Variants in PIEZO1 observed in about 807,000 individuals in gnomAD.
PIEZO1 encodes the protein piezo type mechanosensitive ion channel component 1 (Er blood group), also known as piezo-type mechanosensitive ion channel component 1.
A neutral mutation model predicts 297.2 loss-of-function variants in PIEZO1; 296 were observed. That is an observed-to-expected ratio of 1.00 (90% confidence interval 0.91 to 1.10). The LOEUF is 1.10. PIEZO1 is among the 50% of genes least tolerant of loss of function. The probability of loss-of-function intolerance (pLI) is 0.00; values close to 1 mark genes in which losing one functional copy is unlikely to be tolerated. For missense variants in PIEZO1, 5,018 were observed against 3,455.5 expected (o/e 1.45, Z -11.34); for synonymous variants, 2,427 against 1,507.5 (o/e 1.61, Z -14.13).
chr16:88,727,408 G>A (rs371964834), intron 23 of PIEZO1, 149 bp downstream of exon 23: 161 of 646,988 alleles, frequency 2.5e-4, no homozygotes, highest in African/African-American at 2.4e-3. Context: ...GTCTGCGTGC[G>A]TGCGTGCGAG....
Position 88,715,773 on chromosome 16 carries a change from A to G in PIEZO1, c.7398T>C (p.Ile2466=). ...RGFFSEISHS[I]MFEELPCVDR... ...CCACGCACGGCAGCTCCTCGAACAT[A>G]ATGGAGTGCGAGATCTCGCTGAAGA... Residue 2466 remains isoleucine, a synonymous_variant, in exon 51 of 51, where the codon ATT becomes ATC. Coordinates refer to ENST00000301015, the MANE Select transcript of PIEZO1 (RefSeq NM_001142864.4). 6.5e-7 allele frequency: 1 copy of G among 1,550,262 alleles called. No individual in the cohort carries two copies. The highest frequency in any genetic ancestry group is 8.7e-7 in the Non-Finnish European group (1 of 1,146,934).
Position 88,721,536 on chromosome 16 carries a change from A to G in PIEZO1, c.5403+2T>C. 2 of 1,547,762 alleles carry G rather than the reference A, an allele frequency of 1.3e-6. No homozygotes were observed. The highest frequency in any genetic ancestry group is 8.7e-7 in the Non-Finnish European group (1 of 1,145,300). On this transcript the variant is annotated splice_donor_variant, in intron 38 of 50. Coordinates refer to ENST00000301015, the MANE Select transcript of PIEZO1 (RefSeq NM_001142864.4). LOFTEE classifies it high-confidence loss of function. ...GCATTGCCAGCCAAGGCTCACACTC[A>G]CCAGCAGCTGGGAGCGGTGGAAGAA...
intron 1 of PIEZO1, among the ~76,000 whole-genome samples, chr16:88,750,237 G>A (rs2142864821): frequency 6.6e-6 from 1 of 152,120 alleles, no homozygotes; most frequent in South Asian, 2.1e-4. Context: ...TCAGGAGGCT[G>A]AGGCAGGAGA....
intron 1 of PIEZO1, among the ~76,000 whole-genome samples, chr16:88,750,047 A>G (rs1390414811): frequency 6.7e-6 from 1 of 148,778 alleles, no homozygotes; most frequent in Non-Finnish European, 1.5e-5. Flanking sequence ...AGAAAATGCT[A>G]TTCTTGGCTG....
At chr16:88,764,198 G>GCT (rs1488237697) in intron 1 of PIEZO1, among the ~76,000 whole-genome samples, 42 of 151,144 alleles carry the variant, frequency 2.8e-4, no homozygotes, top group Admixed American at 9.2e-4. Flanking sequence ...GGTACGAAAG[G>GCT]GGATGTGCCT....
chr16:88,734,415 C>A lies in PIEZO1; in HGVS notation c.2121G>T (p.Gln707His). The A allele has an allele frequency of 6.5e-7, 1 of 1,549,726 alleles. No homozygotes were observed. The highest frequency in any genetic ancestry group is 8.7e-7 in the Non-Finnish European group (1 of 1,146,584). Reference protein sequence around the residue: ...QLHYFHRPFMQLTDMEHVSLP... With the variant: ...QLHYFHRPFMHLTDMEHVSLP... ...GGGACACGTGCTCCATGTCGGTGAGCTGCATGAAGGGCCTGTGGAAGTAGT... is the reference window on the plus strand; with the variant it reads ...GGGACACGTGCTCCATGTCGGTGAGATGCATGAAGGGCCTGTGGAAGTAGT... Residue 707 changes from glutamine (Q) to histidine (H), a missense_variant, in exon 16 of 51, where the codon CAG becomes CAT. Coordinates refer to ENST00000301015, the MANE Select transcript of PIEZO1 (RefSeq NM_001142864.4).
intron 1 of PIEZO1, among the ~76,000 whole-genome samples, chr16:88,755,688 G>A (rs1322064438): frequency 1.1e-4 from 17 of 152,138 alleles, no homozygotes; most frequent in South Asian, 2.1e-4. Context: ...CCTTTTCACC[G>A]AACGGTGGCG....
chr16:88,767,131 T>C (rs1907215243), intron 1 of PIEZO1, among the ~76,000 whole-genome samples: 1 of 152,212 alleles, frequency 6.6e-6, no homozygotes, highest in Non-Finnish European at 1.5e-5. Context: ...CTTCCCGGAT[T>C]GAGCTGCAGT....
rs1459869180 is a variant in PIEZO1, at chr16:88,728,239, G to C, written c.3197-578C>G. 2.6e-5 allele frequency among the ~76,000 whole-genome samples: 4 copies of C among 152,378 alleles called. 1 individual carries two copies. The highest frequency in any genetic ancestry group is 6.5e-5 in the Admixed American group (1 of 15,314). ...GCCGGGGCCTGCTGGGGAGGGAGCC[G>C]TGGCACTGCCGGCCCCCGGCCACAC... On this transcript the variant is annotated intron_variant, in intron 22 of 50. Transcript: ENST00000301015.
At chr16:88,746,383 G>A (rs1393643907) in intron 2 of PIEZO1, among the ~76,000 whole-genome samples, 1 of 152,148 alleles carries the variant, frequency 6.6e-6, no homozygotes, top group Non-Finnish European at 1.5e-5. Flanking sequence ...TAAATGACAA[G>A]CAGGTCTCTG....
intron 1 of PIEZO1, among the ~76,000 whole-genome samples, chr16:88,764,083 G>A (rs945203228): frequency 6.6e-6 from 1 of 152,104 alleles, no homozygotes; most frequent in Non-Finnish European, 1.5e-5. Flanking sequence ...AGGCTTCCCC[G>A]GGGGGCACCA....
chr16:88,749,825 C>T (rs1906292462), intron 1 of PIEZO1, among the ~76,000 whole-genome samples: 1 of 152,148 alleles, frequency 6.6e-6, no homozygotes, highest in Admixed American at 6.5e-5. Flanking sequence ...GTCAGGAGTT[C>T]AAGACCAGCC....
rs186546228 is a variant in PIEZO1, at chr16:88,722,413, G to A, written c.4776-16C>T. 7.1e-5 allele frequency: 105 copies of A among 1,483,908 alleles called. No individual in the cohort carries two copies. Among genetic ancestry groups the A allele is most frequent in the East Asian group, 9.9e-5 (4 of 40,282 alleles). 91.9% of individuals were successfully genotyped at this position (1,483,908 alleles called of 1,614,324 possible). ...GCCCAGCCCACTGGGGAGGGAAGCC[G>A]AGTCACAGAGAATCCTGCTCTATGG... On this transcript the variant is annotated splice_polypyrimidine_tract_variant and intron_variant, in intron 35 of 50. Transcript: ENST00000301015.
intron 1 of PIEZO1, among the ~76,000 whole-genome samples, chr16:88,779,772 T>G (rs1471445702): frequency 6.6e-6 from 1 of 152,148 alleles, no homozygotes; most frequent in East Asian, 1.9e-4. Context: ...GACCAGGCGG[T>G]GAGTGGCCCC....
rs1312988081 is a variant in PIEZO1, at chr16:88,720,530, G to A, written c.5804C>T (p.Ala1935Val). 1 of 1,549,808 alleles carries A rather than the reference G, an allele frequency of 6.5e-7. No homozygotes were observed. Among genetic ancestry groups the A allele is most frequent in the East Asian group, 2.4e-5 (1 of 40,920 alleles). ...RRLQGFCLSLAQGTYRPLRRF... is the reference protein window; with the variant it reads ...RRLQGFCLSLVQGTYRPLRRF... Reference sequence around the variant, plus strand: ...CCGTAGCGGCCGATATGTGCCCTGGGCCCTGCGGAAGGGGGCGCTCAGCCT... The same window carrying A: ...CCGTAGCGGCCGATATGTGCCCTGGACCCTGCGGAAGGGGGCGCTCAGCCT... The change falls in exon 41 of 51, where the codon GCC (alanine) becomes GTC (valine). Residue 1935 changes from alanine to valine, a missense_variant and splice_region_variant. Physicochemically the swap from Ala to Val is moderately conservative, Grantham distance 64. Coordinates refer to ENST00000301015, the MANE Select transcript of PIEZO1 (RefSeq NM_001142864.4).
rs755976907 is a variant in PIEZO1, at chr16:88,721,659, C to A, written c.5282G>T (p.Arg1761Leu). Reference protein sequence around the residue: ...FFPWNSHVVLRRYENKPYFPP... With the variant: ...FFPWNSHVVLLRYENKPYFPP... ...GAAGTAGGGCTTGTTCTCGTAGCGC[C>A]GCAGCACCACGTGGCTGTTCCAGGG... The change falls in exon 38 of 51, where the codon CGG (arginine) becomes CTG (leucine). Residue 1761 changes from arginine to leucine, a missense_variant. Arg to Leu is a moderately radical substitution (Grantham distance 102). Coordinates refer to ENST00000301015, the MANE Select transcript of PIEZO1 (RefSeq NM_001142864.4). 4 of 1,550,052 alleles carry A rather than the reference C, an allele frequency of 2.6e-6. No homozygotes were observed. Among genetic ancestry groups the A allele is most frequent in the Admixed American group, 2.0e-5 (1 of 51,004 alleles).
chr16:88,718,569 T>C (rs1461781193), intron 44 of PIEZO1: 2 of 152,268 alleles, frequency 1.3e-5, no homozygotes, highest in Non-Finnish European at 2.9e-5. Flanking sequence ...GAAAGCTGAT[T>C]ACAAAAGGAC....
chr16:88,784,176 T>G (rs1908064474), intron 1 of PIEZO1, among the ~76,000 whole-genome samples: 3 of 152,216 alleles, frequency 2.0e-5, no homozygotes, highest in Admixed American at 2.0e-4. Context: ...ATGCCAGGAC[T>G]GGGGACCCCT....
chr16:88,753,578 T>C (rs1192688672), intron 1 of PIEZO1, among the ~76,000 whole-genome samples: 1 of 152,020 alleles, frequency 6.6e-6, no homozygotes, highest in African/African-American at 2.4e-5. Context: ...AATGCTCCAA[T>C]GCCCCCATTT....
Sources: gnomAD v4.1 joint callset for allele counts (sites outside exome capture counted in the v4.1 genomes callset) on GRCh38, gnomAD v4.1.1 for gene constraint, MANE v1.5 for transcripts, NCBI Gene and HGNC (gene_info 2026-07-23, HGNC 2026-07-21) for gene names.